Variants in SPATS1 observed in about 807,000 individuals in gnomAD.
SPATS1 encodes spermatogenesis-associated serine-rich protein 1.
Under a neutral mutation model 33.6 loss-of-function variants are expected in SPATS1, and 23 were observed. That is an observed-to-expected ratio of 0.68 (90% CI 0.49 to 0.97). SPATS1 has a LOEUF of 0.97. Ranked by LOEUF, SPATS1 falls within the 50% of genes least tolerant of loss-of-function variation. The pLI, the probability that SPATS1 is intolerant of heterozygous loss-of-function variation, is 0.00. For missense variants in SPATS1, 327 were observed against 361.0 expected (o/e 0.91, Z 0.76); for synonymous variants, 131 against 125.6 (o/e 1.04, Z -0.29).
chr6:44,374,846 T>G (rs1265993494), intron 7 of SPATS1, among the ~76,000 whole-genome samples: 4 of 152,226 alleles, frequency 2.6e-5, no homozygotes, highest in Admixed American at 6.5e-5. Context: ...TTCTACTATT[T>G]GGCTTGTTGG....
chr6:44,343,043 G>C, intron 1 of SPATS1, 53 bp from the exon 2 acceptor site: 1 of 1,605,970 alleles, frequency 6.2e-7, no homozygotes, highest in Non-Finnish European at 8.5e-7. Flanking sequence ...TCTTACGAGG[G>C]ACTTTCTTTG....
intron 5 of SPATS1, among the ~76,000 whole-genome samples, chr6:44,364,218 CATA>C (rs1026070052): frequency 2.1e-4 from 32 of 152,292 alleles, no homozygotes; most frequent in Admixed American, 3.9e-4. Flanking sequence ...AATTCCATAT[CATA>C]ATATCATATT....
At position 44,377,050 on chromosome 6, in the gene SPATS1, C is replaced by T; in HGVS notation, c.890C>T (p.Pro297Leu). 5.6e-6 allele frequency: 9 copies of T among 1,614,206 alleles called. No homozygotes were observed. The highest frequency in any genetic ancestry group is 7.6e-6 in the Non-Finnish European group (9 of 1,180,034). Residue 297 changes from proline (P) to leucine (L), a missense_variant, in exon 9 of 9, where the codon CCA becomes CTA. Coordinates refer to ENST00000674044, the MANE Select transcript of SPATS1 (RefSeq NM_001372081.1). Reference sequence around the variant, plus strand: ...CTATCCACAGGTGCTTTGGACTTTCCAAGACAATCCTGAGCATAAACAGGC... The same window carrying T: ...CTATCCACAGGTGCTTTGGACTTTCTAAGACAATCCTGAGCATAAACAGGC... ...MLHLSGALDFPRQS is the reference protein window; with the variant it reads ...MLHLSGALDFLRQS
chr6:44,368,686 A>G (rs1789395163), intron 6 of SPATS1, among the ~76,000 whole-genome samples, 187 bp downstream of exon 6: 1 of 152,234 alleles, frequency 6.6e-6, no homozygotes, highest in African/African-American at 2.4e-5. Flanking sequence ...AAAATTACAC[A>G]CAGGACTTGG....
intron 7 of SPATS1, among the ~76,000 whole-genome samples, chr6:44,374,263 C>A (rs1431891839): frequency 6.6e-6 from 1 of 152,114 alleles, no homozygotes; most frequent in African/African-American, 2.4e-5. Flanking sequence ...ATTGTTTAGC[C>A]CCTATATTTC....
intron 6 of SPATS1, 76 bp downstream of exon 6, chr6:44,368,575 T>C: frequency 7.9e-6 from 11 of 1,387,168 alleles, no homozygotes; most frequent in Non-Finnish European, 1.1e-5. Flanking sequence ...AGAAATTATA[T>C]TTTAAAAGGG....
intron 2 of SPATS1, 54 bp downstream of exon 2, chr6:44,343,288 T>A: frequency 6.9e-7 from 1 of 1,445,322 alleles, no homozygotes; most frequent in Non-Finnish European, 9.4e-7. Flanking sequence ...CCAAGTATAC[T>A]ACACCCGGGG....
intron 3 of SPATS1, among the ~76,000 whole-genome samples, chr6:44,356,023 C>G (rs979527242): frequency 6.6e-6 from 1 of 152,204 alleles, no homozygotes; most frequent in Admixed American, 6.5e-5. Flanking sequence ...TAAAGCTCCA[C>G]TCTAGACATA....
At chr6:44,362,125 C>A in intron 5 of SPATS1, 133 bp downstream of exon 5, 1 of 1,144,530 alleles carries the variant, frequency 8.7e-7, no homozygotes, top group Non-Finnish European at 1.3e-6. Context: ...GCCAGGAAGA[C>A]AGAAAAGTGA....
rs190849204 is a variant in SPATS1, at chr6:44,363,319, A to G, written c.574+1327A>G. Among the ~76,000 whole-genome samples, 66 of 151,544 alleles carry G rather than the reference A, an allele frequency of 4.4e-4. No homozygotes were observed. In the East Asian group the frequency reaches 8.4e-3, roughly 19 times the overall value. ...GCCACCATGCCCGGCTGATTTTTCTATTTTTAGTAGAGACAGGGTTTCTCC... is the reference window on the plus strand; with the variant it reads ...GCCACCATGCCCGGCTGATTTTTCTGTTTTTAGTAGAGACAGGGTTTCTCC... On this transcript the variant is annotated intron_variant, in intron 5 of 8. Transcript: ENST00000674044.
At chr6:44,361,693 G>A in intron 4 of SPATS1, 138 bp from the exon 5 acceptor site, 1 of 1,282,320 alleles carries the variant, frequency 7.8e-7, no homozygotes, top group Non-Finnish European at 1.1e-6. Context: ...TGTCTCTGAT[G>A]TAGAACCAAG....
At chr6:44,354,815 C>G (rs1788466406) in intron 3 of SPATS1, among the ~76,000 whole-genome samples, 1 of 152,054 alleles carries the variant, frequency 6.6e-6, no homozygotes, top group Admixed American at 6.6e-5. Context: ...AGTAGCTTCT[C>G]TATTTTTATT....
intron 3 of SPATS1, among the ~76,000 whole-genome samples, chr6:44,356,740 C>T (rs1171591379): frequency 6.6e-6 from 1 of 152,192 alleles, no homozygotes; most frequent in Non-Finnish European, 1.5e-5. Flanking sequence ...TACAAGCAAG[C>T]AGGAGTGCAC....
chr6:44,375,807 A>T (rs896974866), intron 7 of SPATS1, among the ~76,000 whole-genome samples: 1 of 150,112 alleles, frequency 6.7e-6, no homozygotes, highest in Non-Finnish European at 1.5e-5. Context: ...GTCTCAAAAA[A>T]CAAACAAAAA....
At chr6:44,363,922 C>T (rs548956992) in intron 5 of SPATS1, among the ~76,000 whole-genome samples, 194 of 152,316 alleles carry the variant, frequency 1.3e-3, no homozygotes, top group African/African-American at 4.2e-3. Context: ...CCAATATCCT[C>T]TTCCCCGAAT....
chr6:44,350,768 A>G (rs1788183253), intron 2 of SPATS1, among the ~76,000 whole-genome samples: 2 of 152,238 alleles, frequency 1.3e-5, no homozygotes, highest in African/African-American at 4.8e-5. Context: ...TACACTATAC[A>G]GTCATATCAA....
At chr6:44,352,367 C>G (rs2153365999) in intron 2 of SPATS1, among the ~76,000 whole-genome samples, 1 of 151,938 alleles carries the variant, frequency 6.6e-6, no homozygotes, top group South Asian at 2.1e-4. Flanking sequence ...GACCTCAAGT[C>G]AGGGTGGATC....
At chr6:44,361,498 A>G (rs1788918903) in intron 4 of SPATS1, 1 of 985,414 alleles carries the variant, frequency 1.0e-6, no homozygotes, top group Middle Eastern at 5.2e-4. Flanking sequence ...CAGAGTGAAG[A>G]TTGTATCACA....
intron 3 of SPATS1, among the ~76,000 whole-genome samples, chr6:44,355,192 C>T (rs1248327269): frequency 2.0e-5 from 3 of 151,196 alleles, no homozygotes; most frequent in Admixed American, 1.3e-4. Flanking sequence ...CCCTGGCAAC[C>T]GCAGATATTT....
Sources: allele counts gnomAD v4.1 joint callset (sites outside exome capture counted in the v4.1 genomes callset), GRCh38; gene constraint gnomAD v4.1.1; transcripts MANE v1.5; gene names NCBI Gene and HGNC (gene_info 2026-07-23, HGNC 2026-07-21).